Variants in EYA2 observed in about 807,000 individuals in gnomAD.
EYA2 encodes EYA transcriptional coactivator and phosphatase 2, also known as protein phosphatase EYA2.
A neutral mutation model predicts 69.2 loss-of-function variants in EYA2; 31 were observed. The observed-to-expected ratio is 0.45, with a 90% CI of 0.34 to 0.60. The LOEUF (loss-of-function observed/expected upper bound fraction) is 0.60, where lower values mean the gene tolerates loss of function less well. Among genes scored for constraint, EYA2 ranks in the 20% least tolerant of loss-of-function variants. The pLI is 0.02. For missense variants in EYA2, 622 were observed against 701.2 expected, an observed-to-expected ratio of 0.89 and a Z score of 1.28; for synonymous variants, 257 against 279.4, an observed-to-expected ratio of 0.92 and a Z score of 0.80.
At chr20:47,100,407 G>T (rs925443731) in intron 9 of EYA2, among the ~76,000 whole-genome samples, 1 of 152,182 alleles carries the variant, frequency 6.6e-6, no homozygotes, top group East Asian at 1.9e-4. Context: ...GCCCATCGCA[G>T]CCCCCACCTG....
intron 9 of EYA2, among the ~76,000 whole-genome samples, chr20:47,135,946 G>A (rs6066211): frequency 1.3e-5 from 2 of 151,290 alleles, no homozygotes; most frequent in Admixed American, 6.6e-5. Flanking sequence ...GGATCAAGAA[G>A]ATCAAGGCTG....
chr20:47,157,580 C>G (rs1437413963), intron 10 of EYA2, among the ~76,000 whole-genome samples: 1 of 151,838 alleles, frequency 6.6e-6, no homozygotes, highest in African/African-American at 2.4e-5. Context: ...AAAGGGTGGA[C>G]ATTACTAAAA....
chr20:46,925,757 G>A (rs555427021), intron 1 of EYA2, among the ~76,000 whole-genome samples: 6 of 152,306 alleles, frequency 3.9e-5, no homozygotes, highest in Non-Finnish European at 7.4e-5. Flanking sequence ...GGGCAGATTG[G>A]CGTGGCCCAT....
intron 5 of EYA2, among the ~76,000 whole-genome samples, chr20:47,029,525 T>C (rs1247333312): frequency 6.6e-6 from 1 of 152,240 alleles, no homozygotes; most frequent in Non-Finnish European, 1.5e-5. Context: ...AGGTCCTTCT[T>C]CATATTTAAG....
chr20:47,117,242 T>C (rs985091990), intron 9 of EYA2, among the ~76,000 whole-genome samples: 1 of 152,158 alleles, frequency 6.6e-6, no homozygotes, highest in African/African-American at 2.4e-5. Flanking sequence ...ACTCCTGGCC[T>C]CAAATGATCC....
chr20:47,151,583 T>C (rs7264192), intron 10 of EYA2, among the ~76,000 whole-genome samples: 7,018 of 151,954 alleles, frequency 0.046, 527 homozygotes, highest in African/African-American at 0.16. Context: ...CCCCTCCTCT[T>C]GTTCTCAAGG....
chr20:46,945,632 A>G (rs1005042428), intron 1 of EYA2, among the ~76,000 whole-genome samples: 1 of 151,910 alleles, frequency 6.6e-6, no homozygotes, highest in African/African-American at 2.4e-5. Flanking sequence ...ACTTTTCATG[A>G]CTCGACTCTG....
intron 5 of EYA2, among the ~76,000 whole-genome samples, chr20:47,017,357 C>T (rs1029796898): frequency 6.6e-6 from 1 of 152,212 alleles, no homozygotes; most frequent in African/African-American, 2.4e-5. Context: ...GTTGCCCAGA[C>T]TGGGCTCAAG....
chr20:47,030,215 C>T (rs564697614), intron 5 of EYA2, among the ~76,000 whole-genome samples: 1 of 152,334 alleles, frequency 6.6e-6, no homozygotes, highest in African/African-American at 2.4e-5. Flanking sequence ...TGGGAATGGT[C>T]TTCCTTTTGC....
intron 3 of EYA2, among the ~76,000 whole-genome samples, chr20:47,004,230 G>A (rs1015750614): frequency 2.0e-5 from 3 of 152,164 alleles, no homozygotes; most frequent in Non-Finnish European, 4.4e-5. Context: ...ATCAGGCCTC[G>A]AGAGAGATTA....
At chr20:47,155,912 C>T (rs1484819235) in intron 10 of EYA2, among the ~76,000 whole-genome samples, 1 of 150,370 alleles carries the variant, frequency 6.7e-6, no homozygotes, top group Non-Finnish European at 1.5e-5. Context: ...CATGGTGGCT[C>T]ATGCCTGTAA....
chr20:47,016,322 C>T, intron 5 of EYA2, 25 bp downstream of exon 5: 1 of 1,575,464 alleles, frequency 6.3e-7, no homozygotes, highest in Middle Eastern at 1.7e-4. Context: ...GTGGCCCCTT[C>T]CTGCCCATCT....
At chr20:47,064,707 T>A (rs912690076) in intron 5 of EYA2, among the ~76,000 whole-genome samples, 2 of 152,152 alleles carry the variant, frequency 1.3e-5, no homozygotes, top group Non-Finnish European at 1.5e-5. Context: ...GGAGCAGCAG[T>A]TTTCAGCCCA....
chr20:46,966,984 T>G (rs1979826929), intron 1 of EYA2, among the ~76,000 whole-genome samples: 1 of 148,280 alleles, frequency 6.7e-6, no homozygotes, highest in African/African-American at 2.6e-5. Flanking sequence ...ATTTGTTTTT[T>G]GTTTGTTTGT....
intron 2 of EYA2, among the ~76,000 whole-genome samples, chr20:46,999,802 G>C (rs1982244985): frequency 6.6e-6 from 1 of 152,202 alleles, no homozygotes; most frequent in African/African-American, 2.4e-5. Context: ...GCCCACGGTT[G>C]TGTGACTTGA....
intron 10 of EYA2, among the ~76,000 whole-genome samples, chr20:47,145,898 C>A (rs1295169745): frequency 1.4e-5 from 2 of 146,726 alleles, no homozygotes; most frequent in African/African-American, 2.6e-5. Flanking sequence ...GAAACTCCAT[C>A]TTAAAAAAAA....
rs118165116 is a variant in EYA2, at chr20:47,057,939, G to A, written c.416-14246G>A. 1.7e-4 allele frequency among the ~76,000 whole-genome samples: 26 copies of A among 152,386 alleles called. No homozygotes were observed. In the East Asian group the frequency reaches 4.6e-3, roughly 27 times the overall value. On this transcript the variant is annotated intron_variant, in intron 5 of 15. Coordinates refer to ENST00000327619, the MANE Select transcript of EYA2 (RefSeq NM_005244.5). ...CCAGGAGGGCCTGCTTCCTAGGGCT[G>A]TGGTGGAGATTAAACAAGATAATGC...
intron 9 of EYA2, among the ~76,000 whole-genome samples, chr20:47,111,223 T>C (rs2032739856): frequency 6.6e-6 from 1 of 152,216 alleles, no homozygotes; most frequent in South Asian, 2.1e-4. Flanking sequence ...GAGAGGATTT[T>C]TAAAAGATCA....
chr20:46,976,696 T>G (rs1169029448), intron 1 of EYA2, among the ~76,000 whole-genome samples: 1 of 152,170 alleles, frequency 6.6e-6, no homozygotes, highest in East Asian at 1.9e-4. Context: ...CTAAGAGAGT[T>G]TTTGGATAAA....
Sources: allele counts gnomAD v4.1 joint callset (sites outside exome capture counted in the v4.1 genomes callset), GRCh38; gene constraint gnomAD v4.1.1; transcripts MANE v1.5; gene names NCBI Gene and HGNC (gene_info 2026-07-23, HGNC 2026-07-21).